IGFL2: variants seen among roughly 807,000 people sequenced by gnomAD.
IGFL2 encodes the protein IGF like family member 2, also known as insulin growth factor-like family member 2.
Under a neutral mutation model 13.9 loss-of-function variants are expected in IGFL2, and 7 were observed. That is an observed-to-expected ratio of 0.51 (90% CI 0.29 to 0.95). The LOEUF (loss-of-function observed/expected upper bound fraction) is 0.95, where lower values mean the gene tolerates loss of function less well. Among genes scored for constraint, IGFL2 ranks in the 40% least tolerant of loss-of-function variants. The probability of loss-of-function intolerance (pLI) is 0.08; values close to 1 mark genes in which losing one functional copy is unlikely to be tolerated. For synonymous variants in IGFL2, 55 were observed against 55.8 expected (o/e 0.99, Z 0.07); for missense variants, 138 against 147.8 (o/e 0.93, Z 0.34).
At chr19:46,167,511 C>G in the IGFL2 span, among the ~76,000 whole-genome samples, 1 of 152,114 alleles carries the variant, frequency 6.6e-6, no homozygotes, top group South Asian at 2.1e-4. Context: ...AGCGTGCCAC[C>G]CAGAAAACCA....
the IGFL2 span, among the ~76,000 whole-genome samples, chr19:46,169,205 C>CT: frequency 6.6e-6 from 1 of 152,074 alleles, no homozygotes; most frequent in Non-Finnish European, 1.5e-5. Context: ...GACTCTATCT[C>CT]TAAAAAATAA....
chr19:46,186,440 G>A, the IGFL2 span, among the ~76,000 whole-genome samples: 87 of 152,284 alleles, frequency 5.7e-4, no homozygotes, highest in Non-Finnish European at 9.6e-4. Context: ...GGCTCTTATC[G>A]GTGTTGACCC....
chr19:46,084,662 GT>G, the IGFL2 span, among the ~76,000 whole-genome samples: 1 of 152,184 alleles, frequency 6.6e-6, no homozygotes, highest in Non-Finnish European at 1.5e-5. Context: ...TAGAGAGAGA[GT>G]GTGTGTGGGA....
the IGFL2 span, among the ~76,000 whole-genome samples, chr19:46,203,865 T>C: frequency 2.0e-5 from 3 of 152,038 alleles, no homozygotes; most frequent in Non-Finnish European, 4.4e-5. Context: ...TACAGGTGCA[T>C]GCCACCACAC....
At chr19:46,114,622 T>C in the IGFL2 span, among the ~76,000 whole-genome samples, 3 of 152,156 alleles carry the variant, frequency 2.0e-5, no homozygotes, top group Non-Finnish European at 2.9e-5. Flanking sequence ...TTTCTCGTGA[T>C]AGTGAGTGAG....
chr19:46,163,565 C>T (rs1382634829), downstream of IGFL2, among the ~76,000 whole-genome samples: 4 of 152,108 alleles, frequency 2.6e-5, no homozygotes, highest in Non-Finnish European at 5.9e-5. Flanking sequence ...GTGAATAAAG[C>T]GCTTAGGGCC....
chr19:46,197,308 A>T, the IGFL2 span: 1 of 184,952 alleles, frequency 5.4e-6, no homozygotes, highest in African/African-American at 2.3e-5. Context: ...CTCCTCCATG[A>T]GATTGTGGGT....
the IGFL2 span, among the ~76,000 whole-genome samples, chr19:46,196,609 A>G: frequency 6.6e-6 from 1 of 152,056 alleles, no homozygotes; most frequent in African/African-American, 2.4e-5. Context: ...AACTCCTCCA[A>G]CACCAGGAAA....
intron 1 of IGFL2, among the ~76,000 whole-genome samples, chr19:46,148,596 A>T (rs536359992): frequency 1.2e-4 from 19 of 152,276 alleles, no homozygotes; most frequent in African/African-American, 3.9e-4. Context: ...AAACTCAGAG[A>T]CATCATCTTG....
At chr19:46,137,659 T>G in the IGFL2 span, 24 of 650,474 alleles carry the variant, frequency 3.7e-5, no homozygotes, top group African/African-American at 3.8e-4. Context: ...GGGACACCTA[T>G]GCGGCCAGTG....
At chr19:46,143,984 T>C (rs564108547), upstream of IGFL2, among the ~76,000 whole-genome samples, 127 of 152,346 alleles carry the variant, frequency 8.3e-4, 2 homozygotes, top group Middle Eastern at 0.017. Context: ...TGGGCCCACC[T>C]CTCACCTCTG....
the IGFL2 span, among the ~76,000 whole-genome samples, chr19:46,129,349 G>GTGTC: frequency 7.2e-6 from 1 of 138,402 alleles, no homozygotes; most frequent in Non-Finnish European, 1.6e-5. Flanking sequence ...GTGTGTGTGT[G>GTGTC]TGTCTCTGTC....
At chr19:46,100,186 G>C in the IGFL2 span, among the ~76,000 whole-genome samples, 16 of 152,150 alleles carry the variant, frequency 1.1e-4, no homozygotes, top group Non-Finnish European at 1.9e-4. Context: ...TCATTTGGAG[G>C]AGGAGAGGCA....
chr19:46,091,705 C>G, the IGFL2 span, among the ~76,000 whole-genome samples: 2 of 152,154 alleles, frequency 1.3e-5, no homozygotes, highest in Non-Finnish European at 2.9e-5. Context: ...TGCTGATATA[C>G]AGAAGCAGCT....
At chr19:46,092,354 G>A in the IGFL2 span, among the ~76,000 whole-genome samples, 1 of 151,732 alleles carries the variant, frequency 6.6e-6, no homozygotes, top group African/African-American at 2.4e-5. Flanking sequence ...TTTTTGGCCA[G>A]CCACAGTGGC....
chr19:46,106,309 A>C, the IGFL2 span, among the ~76,000 whole-genome samples: 2 of 152,180 alleles, frequency 1.3e-5, no homozygotes, highest in Admixed American at 6.5e-5. Flanking sequence ...AGGGTGGGCT[A>C]TAAAGGAGAA....
chr19:46,176,841 A>G, the IGFL2 span, among the ~76,000 whole-genome samples: 9 of 152,168 alleles, frequency 5.9e-5, no homozygotes, highest in Non-Finnish European at 1.0e-4. Flanking sequence ...TCTCTGGTCC[A>G]AGGCTGAAAG....
the IGFL2 span, chr19:46,212,200 T>C: frequency 6.6e-6 from 1 of 152,282 alleles, no homozygotes; most frequent in African/African-American, 2.4e-5. Flanking sequence ...AGGGAGATGG[T>C]GCTGGAAGCA....
intron 1 of IGFL2, among the ~76,000 whole-genome samples, chr19:46,149,913 C>A (rs911225694): frequency 6.6e-6 from 1 of 152,154 alleles, no homozygotes; most frequent in African/African-American, 2.4e-5. Context: ...AATTGCTACG[C>A]CACATGGTAA....
Sources: gnomAD v4.1 joint callset for allele counts (sites outside exome capture counted in the v4.1 genomes callset) on GRCh38, gnomAD v4.1.1 for gene constraint, MANE v1.5 for transcripts, NCBI Gene and HGNC (gene_info 2026-07-23, HGNC 2026-07-21) for gene names.